NUP107: variants seen among roughly 807,000 people sequenced by gnomAD.
The protein encoded by NUP107 is nucleoporin 107, also known as nuclear pore complex protein Nup107.
NUP107 carries 101 observed loss-of-function variants against 141.0 expected under a neutral mutation model. The ratio of observed to expected loss-of-function variants is 0.72; its 90% CI spans 0.61 to 0.84. The LOEUF (loss-of-function observed/expected upper bound fraction) is 0.84, where lower values mean the gene tolerates loss of function less well. Ranked by LOEUF, NUP107 falls within the 40% of genes least tolerant of loss-of-function variation. The probability of loss-of-function intolerance (pLI) is 0.00; values close to 1 mark genes in which losing one functional copy is unlikely to be tolerated. For missense variants in NUP107, 941 were observed against 1,102.7 expected, an observed-to-expected ratio of 0.85 and a Z score of 2.08; for synonymous variants, 319 against 363.9, an observed-to-expected ratio of 0.88 and a Z score of 1.41.
chr12:68,716,047 A>ATTTTTG (rs928074924), intron 12 of NUP107, among the ~76,000 whole-genome samples: 2 of 150,208 alleles, frequency 1.3e-5, no homozygotes, highest in African/African-American at 2.5e-5. Context: ...TCCGTTTGAG[A>ATTTTTG]TTTTTGTTTT....
chr12:68,688,184 AG>A, intron 1 of NUP107, among the ~76,000 whole-genome samples: 1 of 131,216 alleles, frequency 7.6e-6, no homozygotes, highest in East Asian at 2.1e-4. Context: ...AGCTATCTGA[AG>A]GTTTTTTTTT....
chr12:68,723,980 A>G (rs1008901049), intron 17 of NUP107, among the ~76,000 whole-genome samples: 12 of 152,206 alleles, frequency 7.9e-5, no homozygotes, highest in Non-Finnish European at 1.8e-4. Context: ...TATTCTAGCT[A>G]ATGAAATAAA....
At chr12:68,688,641 G>C (rs538081184) in intron 1 of NUP107, among the ~76,000 whole-genome samples, 40 of 152,274 alleles carry the variant, frequency 2.6e-4, no homozygotes, top group Middle Eastern at 3.4e-3. Context: ...AGGGAAATAA[G>C]ATTCACTTTC....
At chr12:68,711,490 C>T (rs1341895099) in intron 10 of NUP107, among the ~76,000 whole-genome samples, 12 of 148,678 alleles carry the variant, frequency 8.1e-5, no homozygotes, top group African/African-American at 3.0e-4. Context: ...GAGCCAAGAT[C>T]GCTCCACTGC....
At chr12:68,736,344 A>C (rs1021223554) in intron 26 of NUP107, among the ~76,000 whole-genome samples, 1 of 152,104 alleles carries the variant, frequency 6.6e-6, no homozygotes, top group Non-Finnish European at 1.5e-5. Context: ...CAGGCAGGAC[A>C]GCGAACTAAA....
intron 18 of NUP107, 39 bp downstream of exon 18, chr12:68,725,835 G>GTTTTT: frequency 1.4e-6 from 1 of 693,298 alleles, no homozygotes; most frequent in Non-Finnish European, 2.1e-6. Context: ...TTTTTTGTGT[G>GTTTTT]TGTTTTTTTT....
chr12:68,707,273 A>G (rs549647172), intron 8 of NUP107, among the ~76,000 whole-genome samples: 13 of 151,820 alleles, frequency 8.6e-5, no homozygotes, highest in Non-Finnish European at 1.9e-4. Context: ...TTTCCAAAAT[A>G]AAACCTCAGC....
intron 9 of NUP107, among the ~76,000 whole-genome samples, chr12:68,709,755 G>C (rs977531653): frequency 2.6e-5 from 4 of 152,124 alleles, no homozygotes; most frequent in Middle Eastern, 3.4e-3. Context: ...TGGGTGTGGT[G>C]GTGGGCGCCT....
chr12:68,691,770 GT>G (rs1875795261), intron 4 of NUP107, among the ~76,000 whole-genome samples, 197 bp from the exon 5 acceptor site: 1 of 151,556 alleles, frequency 6.6e-6, no homozygotes, highest in African/African-American at 2.4e-5. Context: ...AGAGGCAAAG[GT>G]TGCGTTGAGC....
intron 8 of NUP107, among the ~76,000 whole-genome samples, chr12:68,705,020 C>T (rs551324159): frequency 6.6e-6 from 1 of 152,022 alleles, no homozygotes; most frequent in Admixed American, 6.6e-5. Flanking sequence ...GTAGCGAGGA[C>T]TACAGGTGTG....
Position 68,721,185 on chromosome 12 carries a change from A to G in NUP107, c.1311+8A>G, listed in dbSNP as rs1877334204. 1.3e-6 allele frequency: 2 copies of G among 1,589,830 alleles called. No homozygotes were observed. Among genetic ancestry groups the G allele is most frequent in the Non-Finnish European group, 8.6e-7 (1 of 1,160,704 alleles). The stretch of plus-strand genomic sequence containing the variant: ...AGTGGGAATCTTAAGCAGGTATGCA[A>G]TCTGTTTTAATGTTTAAATTTTTTC... On this transcript the variant is annotated splice_region_variant and intron_variant, in intron 15 of 27. Coordinates refer to ENST00000229179, the MANE Select transcript of NUP107 (RefSeq NM_020401.4).
chr12:68,720,167 G>A (rs992489525), intron 14 of NUP107, among the ~76,000 whole-genome samples: 1 of 151,980 alleles, frequency 6.6e-6, no homozygotes, highest in Non-Finnish European at 1.5e-5. Context: ...TAGGGAAATG[G>A]AGTTAAGAGA....
Position 68,725,692 on chromosome 12 carries a change from G to A in NUP107, c.1507-35G>A, listed in dbSNP as rs779093119. The A allele has an allele frequency of 3.7e-6, 4 of 1,067,516 alleles. No individual in the cohort carries two copies. The Admixed American group carries it at 6.5e-5, about 17-fold the overall frequency. 66.1% of individuals were successfully genotyped at this position (1,067,516 alleles called of 1,614,324 possible). On this transcript the variant is annotated intron_variant, in intron 17 of 27. Coordinates refer to ENST00000229179, the MANE Select transcript of NUP107 (RefSeq NM_020401.4). ...AATATATACTACAGAATGACTGCTA[G>A]AAGATTTATGGAAAATTAAAAACTT...
intron 5 of NUP107, among the ~76,000 whole-genome samples, chr12:68,694,674 G>A (rs769112720): frequency 6.6e-6 from 1 of 152,222 alleles, no homozygotes; most frequent in African/African-American, 2.4e-5. Context: ...GGCTGACGCG[G>A]GTGGATCACC....
chr12:68,740,041 T>C (rs1592526749), intron 26 of NUP107: 1 of 152,200 alleles, frequency 6.6e-6, no homozygotes, highest in Non-Finnish European at 1.5e-5. Flanking sequence ...CGCCCGCTAG[T>C]ATCGGAATTC....
At chr12:68,706,285 T>C in intron 8 of NUP107, 4 of 848,108 alleles carry the variant, frequency 4.7e-6, no homozygotes, top group Non-Finnish European at 8.1e-6. Flanking sequence ...TGGAAGGGCT[T>C]ACTGAAGAGA....
chr12:68,710,909 G>A (rs529301226), intron 10 of NUP107, among the ~76,000 whole-genome samples: 1 of 152,124 alleles, frequency 6.6e-6, no homozygotes, highest in South Asian at 2.1e-4. Flanking sequence ...GGTCCCCTAT[G>A]GATACCAAGA....
At chr12:68,693,244 A>G (rs1875902717) in intron 5 of NUP107, among the ~76,000 whole-genome samples, 1 of 151,610 alleles carries the variant, frequency 6.6e-6, no homozygotes, top group Non-Finnish European at 1.5e-5. Flanking sequence ...CGCCTGGCTA[A>G]TTTTTGTATT....
In NUP107 at chr12:68,725,666, G is replaced by T. The variant is rs980340450; in HGVS notation, c.1507-61G>T. ...AGTTTAACATTTTTAGTTTAACAGTGAATATATACTACAGAATGACTGCTA... is the reference window on the plus strand; with the variant it reads ...AGTTTAACATTTTTAGTTTAACAGTTAATATATACTACAGAATGACTGCTA... On this transcript the variant is annotated intron_variant, in intron 17 of 27. Coordinates refer to ENST00000229179, the MANE Select transcript of NUP107 (RefSeq NM_020401.4). 6.0e-6 allele frequency: 5 copies of T among 829,630 alleles called. No homozygotes were observed. In the East Asian group the frequency reaches 1.3e-4, roughly 21 times the overall value. 51.4% of individuals were successfully genotyped at this position (829,630 alleles called of 1,614,324 possible).
Sources: allele counts gnomAD v4.1 joint callset (sites outside exome capture counted in the v4.1 genomes callset), GRCh38; gene constraint gnomAD v4.1.1; transcripts MANE v1.5; gene names NCBI Gene and HGNC (gene_info 2026-07-23, HGNC 2026-07-21).